The following ZFPM2 variants were observed in gnomAD, a reference collection of about 807,000 sequenced individuals.
The protein encoded by ZFPM2 is zinc finger protein ZFPM2.
ZFPM2 carries 20 observed loss-of-function variants against 98.6 expected under a neutral mutation model. That is an observed-to-expected ratio of 0.20 (90% CI 0.14 to 0.29). The LOEUF (loss-of-function observed/expected upper bound fraction) is 0.29. Among genes scored for constraint, ZFPM2 ranks in the 10% least tolerant of loss-of-function variants. The pLI is 1.00. For missense variants in ZFPM2, 1,310 were observed against 1,388.6 expected (o/e 0.94, Z 0.90); for synonymous variants, 518 against 502.7 (o/e 1.03, Z -0.41).
chr8:105,368,979 C>G (rs1810564639), intron 1 of ZFPM2, among the ~76,000 whole-genome samples: 1 of 152,110 alleles, frequency 6.6e-6, no homozygotes, highest in African/African-American at 2.4e-5. Flanking sequence ...TTACAAAGTA[C>G]TTCTCAACAT....
At chr8:105,403,471 G>T (rs1811378997) in intron 1 of ZFPM2, among the ~76,000 whole-genome samples, 1 of 151,800 alleles carries the variant, frequency 6.6e-6, no homozygotes, top group Admixed American at 6.6e-5. Context: ...CTTTTCTTAT[G>T]TTTTGTTTAT....
At chr8:105,358,209 A>G (rs1812783839) in intron 1 of ZFPM2, among the ~76,000 whole-genome samples, 1 of 151,828 alleles carries the variant, frequency 6.6e-6, no homozygotes, top group South Asian at 2.1e-4. Context: ...ATCAGCATTT[A>G]TAGGGTTGGT....
Position 105,702,498 on chromosome 8 carries a change from C to CTTCA in ZFPM2, c.532+68142_532+68145dup, listed in dbSNP as rs1811161301. Reference sequence around the variant, plus strand: ...CTTCTACCTTTTCTTCCAAAGCAGGCTTCAGTGCAAAATGTTTGGTTGCAG... The same window carrying CTTCA: ...CTTCTACCTTTTCTTCCAAAGCAGGCTTCATTCAGTGCAAAATGTTTGGTTGCAG... On this transcript the variant is annotated intron_variant, in intron 5 of 7. Coordinates refer to ENST00000407775, the MANE Select transcript of ZFPM2 (RefSeq NM_012082.4). Among the ~76,000 whole-genome samples, 6 of 152,318 alleles carry CTTCA rather than the reference C, an allele frequency of 3.9e-5. No homozygotes were observed. In the South Asian group the frequency reaches 1.0e-3, roughly 26 times the overall value.
At chr8:105,790,683 G>T (rs1813582291) in intron 6 of ZFPM2, among the ~76,000 whole-genome samples, 1 of 152,152 alleles carries the variant, frequency 6.6e-6, no homozygotes, top group Non-Finnish European at 1.5e-5. Flanking sequence ...ATTACCTTGG[G>T]CAGTATGGCC....
intron 2 of ZFPM2, among the ~76,000 whole-genome samples, chr8:105,433,012 A>T (rs1225433677): frequency 6.6e-6 from 1 of 152,022 alleles, no homozygotes; most frequent in African/African-American, 2.4e-5. Context: ...AGGCAGGAGG[A>T]TTGCTTGAGC....
intron 3 of ZFPM2, among the ~76,000 whole-genome samples, chr8:105,531,956 A>G (rs1814305940): frequency 1.3e-5 from 2 of 152,068 alleles, no homozygotes; most frequent in East Asian, 1.9e-4. Context: ...GCTGGAGTGC[A>G]GTGGTGTGAT....
intron 5 of ZFPM2, among the ~76,000 whole-genome samples, chr8:105,689,513 G>C (rs906995894): frequency 1.2e-4 from 19 of 152,042 alleles, no homozygotes; most frequent in Non-Finnish European, 2.5e-4. Context: ...GAAATAACTG[G>C]GTTATTATAA....
At chr8:105,514,204 T>C (rs1045457424) in intron 3 of ZFPM2, among the ~76,000 whole-genome samples, 61 of 151,956 alleles carry the variant, frequency 4.0e-4, no homozygotes, top group African/African-American at 1.4e-3. Flanking sequence ...GGTTTCACCA[T>C]GTTGGTTAGG....
chr8:105,727,934 A>G (rs1268537762), intron 5 of ZFPM2, among the ~76,000 whole-genome samples: 1 of 150,912 alleles, frequency 6.6e-6, no homozygotes, highest in East Asian at 2.0e-4. Context: ...ATGTAAAGTA[A>G]AGTAAGATCA....
intron 4 of ZFPM2, among the ~76,000 whole-genome samples, chr8:105,624,863 TA>T (rs1417756307): frequency 2.0e-5 from 3 of 152,196 alleles, no homozygotes; most frequent in Non-Finnish European, 4.4e-5. Flanking sequence ...CTGTCTGACA[TA>T]AGGAGTATGG....
chr8:105,765,284 C>T (rs1271842100), intron 5 of ZFPM2, among the ~76,000 whole-genome samples: 10 of 151,600 alleles, frequency 6.6e-5, no homozygotes, highest in South Asian at 4.1e-4. Flanking sequence ...TAATCTAGTA[C>T]GTAAAATGGG....
chr8:105,802,122 G>A lies in ZFPM2; in HGVS notation c.2040G>A (p.Gly680=), dbSNP rs1814042343. Residue 680 remains glycine (G), a synonymous_variant, in exon 8 of 8, where the codon GGG becomes GGA. Coordinates refer to ENST00000407775, the MANE Select transcript of ZFPM2 (RefSeq NM_012082.4). Reference sequence around the variant, plus strand: ...ATCCCAGTGTCCCCTTAGTGGATGGGGAAAGTGACCCAAATAAGACTACCT... The same window carrying A: ...ATCCCAGTGTCCCCTTAGTGGATGGAGAAAGTGACCCAAATAAGACTACCT... ...VKNPSVPLVD[G]ESDPNKTTCE... 6.2e-7 allele frequency: 1 copy of A among 1,613,810 alleles called. No homozygotes were observed. The highest frequency in any genetic ancestry group is 1.3e-5 in the African/African-American group (1 of 75,008).
chr8:105,695,317 C>T (rs1037409229), intron 5 of ZFPM2, among the ~76,000 whole-genome samples: 5 of 149,730 alleles, frequency 3.3e-5, no homozygotes, highest in East Asian at 2.0e-4. Flanking sequence ...GCAGTGTCTT[C>T]GCAGATTAAA....
chr8:105,467,592 A>G (rs1812817281), intron 3 of ZFPM2, among the ~76,000 whole-genome samples: 1 of 152,140 alleles, frequency 6.6e-6, no homozygotes, highest in African/African-American at 2.4e-5. Flanking sequence ...CCTGCACTTT[A>G]CTATGAAATG....
At chr8:105,572,759 C>T (rs1031152947) in intron 4 of ZFPM2, among the ~76,000 whole-genome samples, 26 of 152,180 alleles carry the variant, frequency 1.7e-4, no homozygotes, top group African/African-American at 5.3e-4. Flanking sequence ...CATGAGCCAC[C>T]GTGCCCAGCC....
At chr8:105,521,450 G>A (rs1814059020) in intron 3 of ZFPM2, among the ~76,000 whole-genome samples, 1 of 151,974 alleles carries the variant, frequency 6.6e-6, no homozygotes, top group Non-Finnish European at 1.5e-5. Context: ...TTAATTAATG[G>A]CTTTAATAAA....
At chr8:105,447,560 T>G (rs1812400461) in intron 3 of ZFPM2, among the ~76,000 whole-genome samples, 1 of 152,030 alleles carries the variant, frequency 6.6e-6, no homozygotes. Flanking sequence ...TAGCCGCAAA[T>G]TATTGATTAA....
chr8:105,658,079 G>A (rs949121918), intron 5 of ZFPM2, among the ~76,000 whole-genome samples: 8 of 151,970 alleles, frequency 5.3e-5, no homozygotes, highest in Non-Finnish European at 8.8e-5. Flanking sequence ...GCGAATATTT[G>A]GGATATTTTC....
intron 5 of ZFPM2, among the ~76,000 whole-genome samples, chr8:105,765,820 A>G (rs1812841347): frequency 6.6e-6 from 1 of 151,972 alleles, no homozygotes; most frequent in African/African-American, 2.4e-5. Flanking sequence ...TACAATAGGA[A>G]AAGAAAATGG....
Sources: gnomAD v4.1 joint callset for allele counts (sites outside exome capture counted in the v4.1 genomes callset) on GRCh38, gnomAD v4.1.1 for gene constraint, MANE v1.5 for transcripts, NCBI Gene and HGNC (gene_info 2026-07-23, HGNC 2026-07-21) for gene names.